Variants in TESMIN observed in about 807,000 individuals in gnomAD.
TESMIN encodes testis expressed metallothionein like protein.
Under a neutral mutation model 47.4 loss-of-function variants are expected in TESMIN, and 34 were observed. That is an observed-to-expected ratio of 0.72 (90% confidence interval 0.55 to 0.96). TESMIN has a LOEUF of 0.96. TESMIN is among the 40% of genes least tolerant of loss of function. The pLI, the probability that TESMIN is intolerant of heterozygous loss-of-function variation, is 0.00. For synonymous variants in TESMIN, 278 were observed against 258.9 expected, an observed-to-expected ratio of 1.07 and a Z score of -0.71; for missense variants, 610 against 637.2, an observed-to-expected ratio of 0.96 and a Z score of 0.46.
At chr11:68,739,388 A>G (rs954618377) in intron 5 of TESMIN, among the ~76,000 whole-genome samples, 1 of 152,232 alleles carries the variant, frequency 6.6e-6, no homozygotes, top group Non-Finnish European at 1.5e-5. Flanking sequence ...CAGCAAAGCC[A>G]TCACTGGCCT....
At chr11:68,729,749 C>T (rs1457937237) in intron 6 of TESMIN, among the ~76,000 whole-genome samples, 1 of 152,202 alleles carries the variant, frequency 6.6e-6, no homozygotes, top group African/African-American at 2.4e-5. Flanking sequence ...ATGGAATCTG[C>T]TCCTGGTGAA....
intron 7 of TESMIN, among the ~76,000 whole-genome samples, chr11:68,715,146 C>T (rs973856290): frequency 6.6e-6 from 1 of 152,244 alleles, no homozygotes. Flanking sequence ...GGTCTACAGT[C>T]AATGGCTCTC....
chr11:68,727,698 A>G (rs1361752032), intron 6 of TESMIN, among the ~76,000 whole-genome samples: 1 of 152,230 alleles, frequency 6.6e-6, no homozygotes, highest in African/African-American at 2.4e-5. Flanking sequence ...GGTTTGTGTC[A>G]ACTCTGCATC....
chr11:68,726,901 G>A (rs1236132411), intron 6 of TESMIN, among the ~76,000 whole-genome samples: 1 of 151,412 alleles, frequency 6.6e-6, no homozygotes, highest in East Asian at 1.9e-4. Flanking sequence ...AACATAATGA[G>A]ACCCTATTTC....
Position 68,747,216 on chromosome 11 carries a change from T to C in TESMIN, c.622A>G (p.Asn208Asp), listed in dbSNP as rs1333293630. The change falls in exon 3 of 10, where the codon AAC (asparagine) becomes GAC (aspartate). Residue 208 changes from asparagine (N) to aspartate (D), a missense_variant. By Grantham distance (23) the Asn-to-Asp change is conservative (BLOSUM62 1). Coordinates refer to ENST00000255087, the MANE Select transcript of TESMIN (RefSeq NM_004923.3). The part of the protein sequence containing the change: ...ASCCSLKKDS[N>D]PMVICQLKGG... ...TTCTTTAGCATAATTACCATTGGGT[T>C]GGAATCTTTCTTAAGAGAACAGCAG... 1 of 1,613,962 alleles carries C rather than the reference T, an allele frequency of 6.2e-7. No homozygotes were observed. The highest frequency in any genetic ancestry group is 1.3e-5 in the African/African-American group (1 of 74,946).
At position 68,750,297 on chromosome 11, in the gene TESMIN, C is replaced by T. The variant is rs1462087715; in HGVS notation, c.364G>A (p.Val122Met). Residue 122 changes from valine (V) to methionine (M), a missense_variant, in exon 2 of 10, where the codon GTG (valine) becomes ATG (methionine). Transcript: ENST00000255087. Reference protein sequence around the residue: ...LQAPQPPACNVHFLSSLLPAH... With the variant: ...LQAPQPPACNMHFLSSLLPAH... ...GGTAGCAGCGAGGACAGGAAGTGCA[C>T]GTTGCAGGCGGGCGGCTGCGGGGCC... 2 of 1,542,938 alleles carry T rather than the reference C, an allele frequency of 1.3e-6. No homozygotes were observed. Among genetic ancestry groups the T allele is most frequent in the East Asian group, 4.8e-5 (2 of 41,806 alleles).
chr11:68,721,078 A>G (rs1276292332), intron 6 of TESMIN, among the ~76,000 whole-genome samples: 1 of 152,144 alleles, frequency 6.6e-6, no homozygotes, highest in Non-Finnish European at 1.5e-5. Context: ...ACTCATCAGT[A>G]TGTTATGAAT....
intron 8 of TESMIN, among the ~76,000 whole-genome samples, chr11:68,711,984 C>G (rs974609903): frequency 1.3e-5 from 2 of 152,236 alleles, no homozygotes; most frequent in Non-Finnish European, 2.9e-5. Flanking sequence ...CTTCAGCCCC[C>G]CGGGGATTTC....
At chr11:68,737,493 G>A (rs1024307469) in intron 6 of TESMIN, 166 of 985,660 alleles carry the variant, frequency 1.7e-4, no homozygotes, top group Middle Eastern at 1.0e-3. Flanking sequence ...AGGCCATCAC[G>A]AAGCCATGCC....
chr11:68,709,453 C>T (rs976179680), intron 9 of TESMIN, among the ~76,000 whole-genome samples: 7 of 152,182 alleles, frequency 4.6e-5, no homozygotes, highest in East Asian at 3.9e-4. Context: ...CCATCAATGC[C>T]GCTTGGAGCT....
At chr11:68,745,133 A>G in intron 3 of TESMIN, 22 bp from the exon 4 acceptor site, 2 of 1,572,818 alleles carry the variant, frequency 1.3e-6, no homozygotes, top group Non-Finnish European at 1.7e-6. Flanking sequence ...AAGAACAATC[A>G]GGTTTCATTT....
At chr11:68,731,921 G>A (rs537630352) in intron 6 of TESMIN, among the ~76,000 whole-genome samples, 21 of 152,334 alleles carry the variant, frequency 1.4e-4, no homozygotes, top group African/African-American at 4.8e-4. Flanking sequence ...TGATCAGAAT[G>A]CCATGCGTCA....
downstream of TESMIN, among the ~76,000 whole-genome samples, chr11:68,705,576 C>T (rs1374187727): frequency 6.6e-6 from 1 of 152,166 alleles, no homozygotes; most frequent in Non-Finnish European, 1.5e-5. Flanking sequence ...GATTTCAGCG[C>T]GTGTCATTCT....
At chr11:68,712,067 T>C (rs1946079665) in intron 8 of TESMIN, among the ~76,000 whole-genome samples, 1 of 152,268 alleles carries the variant, frequency 6.6e-6, no homozygotes, top group South Asian at 2.1e-4. Flanking sequence ...TCTGGGTGTT[T>C]TGAAGCAGGA....
At chr11:68,708,525 GC>G in intron 9 of TESMIN, 25 bp from the exon 10 acceptor site, 1 of 1,578,146 alleles carries the variant, frequency 6.3e-7, no homozygotes, top group Non-Finnish European at 8.6e-7. Flanking sequence ...GCAGTTAAAG[GC>G]CGCTCAACAG....
At chr11:68,719,935 T>C (rs1946186041) in intron 6 of TESMIN, among the ~76,000 whole-genome samples, 1 of 152,168 alleles carries the variant, frequency 6.6e-6, no homozygotes, top group Admixed American at 6.5e-5. Context: ...TTTCCGGAAC[T>C]GATGATAACT....
chr11:68,719,309 T>G (rs1306335852), intron 6 of TESMIN, among the ~76,000 whole-genome samples: 1 of 152,054 alleles, frequency 6.6e-6, no homozygotes, highest in Admixed American at 6.5e-5. Context: ...AAGGGAAAGG[T>G]AAAGAAGTTC....
intron 7 of TESMIN, 23 bp from the exon 8 acceptor site, chr11:68,713,430 A>C: frequency 6.2e-7 from 1 of 1,612,812 alleles, no homozygotes; most frequent in Non-Finnish European, 8.5e-7. Flanking sequence ...GGGAAGCTCC[A>C]TCAGGATGGA....
chr11:68,711,375 G>T (rs191845751), intron 8 of TESMIN, among the ~76,000 whole-genome samples: 22 of 151,350 alleles, frequency 1.5e-4, no homozygotes, highest in Non-Finnish European at 1.5e-4. Flanking sequence ...TTGGGTATGT[G>T]TGTGTATATG....
Sources: allele counts gnomAD v4.1 joint callset (sites outside exome capture counted in the v4.1 genomes callset), GRCh38; gene constraint gnomAD v4.1.1; transcripts MANE v1.5; gene names NCBI Gene and HGNC (gene_info 2026-07-23, HGNC 2026-07-21).